ZNF460: variants seen among roughly 807,000 people sequenced by gnomAD.
ZNF460 encodes the protein zinc finger protein 460, also known as zinc finger protein 272.
Under a neutral mutation model 8.4 loss-of-function variants are expected in ZNF460, and 1 was observed. The ratio of observed to expected loss-of-function variants is 0.12; its 90% CI spans 0.04 to 0.56. The LOEUF is 0.56. Ranked by LOEUF, ZNF460 falls within the 20% of genes least tolerant of loss-of-function variation. ZNF460 has a pLI of 0.91. For missense variants in ZNF460, 477 were observed against 714.8 expected, an observed-to-expected ratio of 0.67 and a Z score of 3.79; for synonymous variants, 262 against 259.9, an observed-to-expected ratio of 1.01 and a Z score of -0.08.
intron 2 of ZNF460, among the ~76,000 whole-genome samples, chr19:57,289,061 G>A (rs529405520): frequency 6.6e-6 from 1 of 151,756 alleles, no homozygotes; most frequent in East Asian, 1.9e-4. Flanking sequence ...TGAATTTCTG[G>A]ATCAGTTTTT....
rs201098076 is a variant in ZNF460 at position 57,290,810 on chromosome 19, T to C, written c.269T>C (p.Leu90Ser). ...CAGGGAGTCCCAAGATACTCCTATT[T>C]GGGGCAGGCCATGGATCAAGATGGG... ...LAQGVPRYSY[L>S]GQAMDQDGPS... The change falls in exon 3 of 3, where the codon TTG becomes TCG. Residue 90 changes from leucine (L) to serine (S), a missense_variant. Physicochemically the swap from Leu to Ser is moderately radical, Grantham distance 145. Transcript: ENST00000360338. 2.0e-5 allele frequency: 32 copies of C among 1,614,062 alleles called. No homozygotes were observed. The highest frequency in any genetic ancestry group is 2.1e-5 in the Non-Finnish European group (25 of 1,180,044).
chr19:57,293,563 G>C lies in ZNF460; in HGVS notation c.*1333G>C, dbSNP rs1359442585. 6.6e-6 allele frequency: 1 copy of C among 152,186 alleles called. No homozygotes were observed. The highest frequency in any genetic ancestry group is 1.5e-5 in the Non-Finnish European group (1 of 68,018). 9.4% of individuals were successfully genotyped at this position (152,186 alleles called of 1,614,324 possible). A position where few individuals can be genotyped will look rare whatever the true frequency, so the allele number is the denominator to read the frequency against. On this transcript the variant is annotated 3_prime_UTR_variant, in exon 3 of 3. Transcript: ENST00000360338. ...TCAATACATGTGTGCTAAGAGTAAT[G>C]ATCAAATCAGGGTAATTAGCATATC...
At chr19:57,284,836 G>C (rs1296842200) in intron 2 of ZNF460, among the ~76,000 whole-genome samples, 159 bp downstream of exon 2, 1 of 140,420 alleles carries the variant, frequency 7.1e-6, no homozygotes, top group African/African-American at 2.8e-5. Context: ...TTTTTTTGGA[G>C]ACAGAGTTTC....
chr19:57,289,317 C>T (rs139289887), intron 2 of ZNF460, among the ~76,000 whole-genome samples: 46 of 152,272 alleles, frequency 3.0e-4, no homozygotes, highest in African/African-American at 9.9e-4. Flanking sequence ...TGAGCATCAG[C>T]TTCGTCTCCG....
chr19:57,291,109 C>T lies in ZNF460; in HGVS notation c.568C>T (p.Leu190Phe), dbSNP rs1284012085. 1.2e-6 allele frequency: 2 copies of T among 1,614,226 alleles called. No homozygotes were observed. The highest frequency in any genetic ancestry group is 2.2e-5 in the South Asian group (2 of 91,086). Residue 190 changes from leucine to phenylalanine, a missense_variant, in exon 3 of 3, where the codon CTC becomes TTC. By Grantham distance (22) the Leu-to-Phe change is conservative. This residue lies in a region of ZNF460 where 169 missense variants were observed against 178.6 expected (regional missense o/e 0.95). Transcript: ENST00000360338. This position sits in a 1 kb window ranked among gnomAD's most constrained non-coding sequence, Gnocchi z 8.4. Reference protein sequence around the residue: ...NCFLVQHEQILPRVKPYDCPE... With the variant: ...NCFLVQHEQIFPRVKPYDCPE... ...CTTCCTTGTTCAGCATGAGCAGATT[C>T]TCCCTCGTGTGAAGCCCTATGATTG... is the stretch of plus-strand genomic sequence containing the variant.
chr19:57,284,274 G>A (rs2087863528), intron 1 of ZNF460, among the ~76,000 whole-genome samples: 1 of 151,300 alleles, frequency 6.6e-6, no homozygotes, highest in Non-Finnish European at 1.5e-5. Flanking sequence ...TTGCCAGGCT[G>A]GAGTGCAGTG....
intron 2 of ZNF460, among the ~76,000 whole-genome samples, chr19:57,285,060 C>T (rs1568499198): frequency 6.6e-6 from 1 of 152,164 alleles, no homozygotes; most frequent in African/African-American, 2.4e-5. Flanking sequence ...AAGTGATCCA[C>T]CCACCTCAGC....
Position 57,292,350 on chromosome 19 carries a change from C to T in ZNF460, c.*120C>T. 9.4e-7 allele frequency: 1 copy of T among 1,060,970 alleles called. No individual in the cohort carries two copies. Among genetic ancestry groups the T allele is most frequent in the African/African-American group, 1.6e-5 (1 of 63,046 alleles). The allele number at this position is 1,060,970 out of a possible 1,614,324, so 65.7% of individuals were successfully genotyped here. On this transcript the variant is annotated 3_prime_UTR_variant, in exon 3 of 3. Coordinates refer to ENST00000360338, the MANE Select transcript of ZNF460 (RefSeq NM_006635.4). Reference sequence around the variant, plus strand: ...GTGGTGAGAGGAAACATCTTACCATCTGGTCATTCATACTGAAGAGAAACT... The same window carrying T: ...GTGGTGAGAGGAAACATCTTACCATTTGGTCATTCATACTGAAGAGAAACT...
intron 1 of ZNF460, among the ~76,000 whole-genome samples, chr19:57,284,138 G>C (rs1470245783): frequency 6.6e-6 from 1 of 152,098 alleles, no homozygotes; most frequent in Non-Finnish European, 1.5e-5. Context: ...GTCCACTTGG[G>C]ATTGTCCTAA....
rs201543732 is a variant in ZNF460 at position 57,291,761 on chromosome 19, T to C, written c.1220T>C (p.Leu407Pro). 6.2e-7 allele frequency: 1 copy of C among 1,614,178 alleles called. No homozygotes were observed. The highest frequency in any genetic ancestry group is 1.3e-5 in the African/African-American group (1 of 75,042). Residue 407 changes from leucine to proline, a missense_variant, in exon 3 of 3, where the codon CTC (leucine) becomes CCC (proline). Leu to Pro is a moderately conservative substitution (Grantham distance 98, BLOSUM62 -3). Transcript: ENST00000360338. The surrounding 1 kb of genome is among the most constrained non-coding windows in gnomAD (Gnocchi z 8.4). Reference sequence around the variant, plus strand: ...AAAGCCTTTAGCATTCGAAAAGACCTCATTCGACACTTCAACATCCACACT... The same window carrying C: ...AAAGCCTTTAGCATTCGAAAAGACCCCATTCGACACTTCAACATCCACACT... ...CGKAFSIRKD[L>P]IRHFNIHTGE...
rs550869867 is a variant in ZNF460, at chr19:57,290,725, G to T, written c.184G>T (p.Glu62Ter). Reference protein sequence around the residue: ...LGDSTKPETVEPIPSHLALPE... With the variant: ...LGDSTKPETV ...TGACAGCACAAAACCTGAGACCGTA[G>T]AGCCTATCCCTTCTCATCTGGCCTT... The change falls in exon 3 of 3, where the codon GAG becomes TAG. Residue 62 changes from glutamate (E) to a stop codon, truncating the protein, a stop_gained. Coordinates refer to ENST00000360338, the MANE Select transcript of ZNF460 (RefSeq NM_006635.4). LOFTEE classifies it low-confidence loss of function (END_TRUNC). 1 of 1,613,940 alleles carries T rather than the reference G, an allele frequency of 6.2e-7. No individual in the cohort carries two copies. The highest frequency in any genetic ancestry group is 1.1e-5 in the South Asian group (1 of 91,082).
At position 57,290,701 on chromosome 19, in the gene ZNF460, G is replaced by A; in HGVS notation, c.160G>A (p.Asp54Asn). The A allele has an allele frequency of 6.2e-7, 1 of 1,610,356 alleles. No homozygotes were observed. The highest frequency in any genetic ancestry group is 8.5e-7 in the Non-Finnish European group (1 of 1,177,940). ...ETCGLLVALGDSTKPETVEPI... is the reference protein window; with the variant it reads ...ETCGLLVALGNSTKPETVEPI... ...TTTGTGTATTGTGTTCCCTTCAGGT[G>A]ACAGCACAAAACCTGAGACCGTAGA... The change falls in exon 3 of 3, where the codon GAC becomes AAC. Residue 54 changes from aspartate (D) to asparagine (N), a missense_variant and splice_region_variant. This residue lies in a region of ZNF460 where 169 missense variants were observed against 178.6 expected (regional missense o/e 0.95). Coordinates refer to ENST00000360338, the MANE Select transcript of ZNF460 (RefSeq NM_006635.4).
rs780735903 is a variant in ZNF460, at chr19:57,291,234, A to G, written c.693A>G (p.Lys231=). 2.2e-5 allele frequency: 36 copies of G among 1,613,006 alleles called. No individual in the cohort carries two copies. Among genetic ancestry groups the G allele is most frequent in the Non-Finnish European group, 3.0e-5 (35 of 1,179,734 alleles). The change falls in exon 3 of 3, where the codon AAA becomes AAG. Residue 231 remains lysine, a synonymous_variant. Transcript: ENST00000360338. The surrounding 1 kb of genome is among the most constrained non-coding windows in gnomAD (Gnocchi z 8.4). ...CCTATAAATGCCTGGAGTGTGGGAA[A>G]GACTTCAACCGCAGGTCACACCTCA... ...EKPYKCLECG[K]DFNRRSHLTR... is the part of the protein sequence containing the mutation.
At position 57,293,571 on chromosome 19, in the gene ZNF460, CAG is replaced by C. The variant is rs1157694880; in HGVS notation, c.*1342_*1343del. ...TGTGTGCTAAGAGTAATGATCAAATCAGGGTAATTAGCATATCCATCTCAATC... is the reference window on the plus strand; with the variant it reads ...TGTGTGCTAAGAGTAATGATCAAATCGGTAATTAGCATATCCATCTCAATC... On this transcript the variant is annotated 3_prime_UTR_variant, in exon 3 of 3. Transcript: ENST00000360338. The C allele has an allele frequency of 6.6e-6, 1 of 152,126 alleles. No individual in the cohort carries two copies. Among genetic ancestry groups the C allele is most frequent in the African/African-American group, 2.4e-5 (1 of 41,430 alleles). The allele number at this position is 152,126 out of a possible 1,614,324, so 9.4% of individuals were successfully genotyped here.
chr19:57,286,098 A>G lies in ZNF460; in HGVS notation c.157+1421A>G, dbSNP rs537559311. ...TGGGACAATATGTGCCAAAAAAGGC[A>G]TACGTTTGTTTCATTGTACTTTGCT... On this transcript the variant is annotated intron_variant, in intron 2 of 2. Coordinates refer to ENST00000360338, the MANE Select transcript of ZNF460 (RefSeq NM_006635.4). 2.0e-5 allele frequency among the ~76,000 whole-genome samples: 3 copies of G among 152,338 alleles called. No individual in the cohort carries two copies. In the East Asian group the frequency reaches 5.8e-4, roughly 29 times the overall value.
At chr19:57,290,552 A>G (rs554859857) in intron 2 of ZNF460, 147 bp from the exon 3 acceptor site, 1 of 797,338 alleles carries the variant, frequency 1.3e-6, no homozygotes, top group South Asian at 2.0e-5. Context: ...TGCTGGGATT[A>G]CAGGGATGAG....
intron 2 of ZNF460, among the ~76,000 whole-genome samples, chr19:57,290,152 C>CA (rs955900056): frequency 2.6e-5 from 4 of 151,486 alleles, no homozygotes; most frequent in East Asian, 2.0e-4. Context: ...AAAAAATAAA[C>CA]AAAAAAAAGC....
At position 57,292,238 on chromosome 19, in the gene ZNF460, G is replaced by A; in HGVS notation, c.*8G>A. 6.2e-7 allele frequency: 1 copy of A among 1,600,704 alleles called. No homozygotes were observed. Among genetic ancestry groups the A allele is most frequent in the Non-Finnish European group, 8.5e-7 (1 of 1,170,892 alleles). On this transcript the variant is annotated 3_prime_UTR_variant, in exon 3 of 3. Transcript: ENST00000360338. ...GAAACCCTACCATTGTAACAGATGT[G>A]GAAAGACTTTTTACGTACACTTCAG... is the stretch of plus-strand genomic sequence containing the variant.
rs760495373 is a variant in ZNF460, at chr19:57,291,617, C to G, written c.1076C>G (p.Thr359Ser). 1.9e-6 allele frequency: 3 copies of G among 1,613,240 alleles called. No homozygotes were observed. In the South Asian group the frequency reaches 3.3e-5, roughly 18 times the overall value. Residue 359 changes from threonine to serine, a missense_variant, in exon 3 of 3, where the codon ACT becomes AGT. Physicochemically the swap from Thr to Ser is moderately conservative, Grantham distance 58 (BLOSUM62 1). Around this residue, in one of 5 missense-constraint regions of ZNF460, gnomAD observed 193 missense variants for 391.7 expected, o/e 0.49. Coordinates refer to ENST00000360338, the MANE Select transcript of ZNF460 (RefSeq NM_006635.4). The surrounding 1 kb of genome is among the most constrained non-coding windows in gnomAD (Gnocchi z 8.4). ...CTCAAGCAGCATGAGCGGATTCACA[C>G]TGGTGAGAAGCCCTTTGTGTGCAGT... ...SHLKQHERIH[T>S]GEKPFVCSQC...
Sources: allele counts gnomAD v4.1 joint callset (sites outside exome capture counted in the v4.1 genomes callset), GRCh38; gene constraint gnomAD v4.1.1; regional missense constraint gnomAD v4.1.1; non-coding constraint Gnocchi (gnomAD v3.1); transcripts MANE v1.5; gene names NCBI Gene and HGNC (gene_info 2026-07-23, HGNC 2026-07-21).